The following PLAGL1 variants were observed in gnomAD, a reference collection of about 807,000 sequenced individuals.
The protein encoded by PLAGL1 is PLAG1 like zinc finger 1.
A neutral mutation model predicts 4.6 loss-of-function variants in PLAGL1; 1 was observed. The observed-to-expected ratio is 0.22, with a 90% CI of 0.08 to 1.03. PLAGL1 has a LOEUF of 1.03. Ranked by LOEUF, PLAGL1 falls within the 50% of genes least tolerant of loss-of-function variation. The probability of loss-of-function intolerance (pLI) is 0.58; values close to 1 mark genes in which losing one functional copy is unlikely to be tolerated. For synonymous variants in PLAGL1, 240 were observed against 237.8 expected, an observed-to-expected ratio of 1.01 and a Z score of -0.08; for missense variants, 464 against 570.4, an observed-to-expected ratio of 0.81 and a Z score of 1.90.
At position 143,979,355 on chromosome 6, in the gene PLAGL1, C is replaced by T. The variant is rs556570275; in HGVS notation, c.-544+5780G>A. Among the ~76,000 whole-genome samples, 40 of 152,238 alleles carry T rather than the reference C, an allele frequency of 2.6e-4. No individual in the cohort carries two copies. The highest frequency in any genetic ancestry group is 9.1e-4 in the African/African-American group (38 of 41,574). ...AGTTAGACCATTTATGCTTAACATG[C>T]TTACTGACATGATTAGGCTGAAATG... On this transcript the variant is annotated intron_variant, in intron 2 of 7. Transcript: ENST00000674357. The surrounding 1 kb of genome is among the most constrained non-coding windows in gnomAD (Gnocchi z 4.6).
chr6:144,031,968 C>T (rs1796864988), intron 1 of PLAGL1, among the ~76,000 whole-genome samples: 1 of 152,148 alleles, frequency 6.6e-6, no homozygotes, highest in Admixed American at 6.5e-5. Context: ...AATATTAATT[C>T]TACCTATGCA....
chr6:144,018,336 A>G (rs1487006088), intron 1 of PLAGL1, among the ~76,000 whole-genome samples: 1 of 152,198 alleles, frequency 6.6e-6, no homozygotes, highest in Non-Finnish European at 1.5e-5. Context: ...TGAAACTCAT[A>G]GAAGTAGACA....
chr6:144,003,475 T>C (rs1263180738), intron 1 of PLAGL1, among the ~76,000 whole-genome samples: 2 of 151,938 alleles, frequency 1.3e-5, no homozygotes, highest in Non-Finnish European at 2.9e-5. Flanking sequence ...ATACAAAAAA[T>C]TATCCAGGCA....
rs1221605942 is a variant in PLAGL1, at chr6:144,005,753, T to C, written c.-584+2337A>G. The C allele has an allele frequency of 6.6e-6, 1 of 151,958 alleles. No individual in the cohort carries two copies. The highest frequency in any genetic ancestry group is 1.5e-5 in the Non-Finnish European group (1 of 67,936). The allele number at this position is 151,958 out of a possible 1,614,324, so 9.4% of individuals were successfully genotyped here. A position where few individuals can be genotyped will look rare whatever the true frequency, so the allele number is the denominator to read the frequency against. ...TTCTGCAATGATGGAAATATTCTGT[T>C]CTATAATGTATAATGTAAAATATAT... On this transcript the variant is annotated intron_variant, in intron 1 of 7. Coordinates refer to ENST00000674357, the MANE Select transcript of PLAGL1 (RefSeq NM_001317162.2). The surrounding 1 kb of genome is among the most constrained non-coding windows in gnomAD (Gnocchi z 4.6).
In PLAGL1 at chr6:144,022,695, C is replaced by T. The variant is rs550520216; in HGVS notation, c.-151+41773G>A. On this transcript the variant is annotated intron_variant, in intron 1 of 3. Transcript: ENST00000437412. This position sits in a 1 kb window ranked among gnomAD's most constrained non-coding sequence, Gnocchi z 4.2. ...AAGGGAGTTCCCTTGCACAAGCTCTCTTGCCTGCCACCATGTAAGATGTCT... is the reference window on the plus strand; with the variant it reads ...AAGGGAGTTCCCTTGCACAAGCTCTTTTGCCTGCCACCATGTAAGATGTCT... 6.8e-4 allele frequency among the ~76,000 whole-genome samples: 103 copies of T among 152,306 alleles called. 1 individual carries two copies. Among genetic ancestry groups the T allele is most frequent in the Admixed American group, 4.9e-3 (75 of 15,296 alleles).
At chr6:144,043,163 T>C (rs956741536) in intron 1 of PLAGL1, among the ~76,000 whole-genome samples, 1 of 152,202 alleles carries the variant, frequency 6.6e-6, no homozygotes, top group Non-Finnish European at 1.5e-5. Context: ...GAATACCCTT[T>C]ATTTCTTTCT....
rs1468859650 is a variant in PLAGL1, at chr6:143,979,147, G to A, written c.-544+5988C>T. On this transcript the variant is annotated intron_variant, in intron 2 of 7. Coordinates refer to ENST00000674357, the MANE Select transcript of PLAGL1 (RefSeq NM_001317162.2). This position sits in a 1 kb window ranked among gnomAD's most constrained non-coding sequence, Gnocchi z 4.6. ...AAAATGATATTTTTTTCATCCGTTAGCTTATAATCTATTTGTGTCTTTACA... is the reference window on the plus strand; with the variant it reads ...AAAATGATATTTTTTTCATCCGTTAACTTATAATCTATTTGTGTCTTTACA... 1.3e-5 allele frequency among the ~76,000 whole-genome samples: 2 copies of A among 151,948 alleles called. No individual in the cohort carries two copies. The highest frequency in any genetic ancestry group is 6.6e-5 in the Admixed American group (1 of 15,256).
rs763645295 is a variant in PLAGL1, at chr6:143,978,162, T to C, written c.-544+6973A>G. 6.6e-6 allele frequency among the ~76,000 whole-genome samples: 1 copy of C among 152,202 alleles called. No homozygotes were observed. The highest frequency in any genetic ancestry group is 1.5e-5 in the Non-Finnish European group (1 of 68,040). On this transcript the variant is annotated intron_variant, in intron 2 of 7. Coordinates refer to ENST00000674357, the MANE Select transcript of PLAGL1 (RefSeq NM_001317162.2). The surrounding 1 kb of genome is among the most constrained non-coding windows in gnomAD (Gnocchi z 4.6). ...GTTGATTTTCTCCATTGTTTTCCTG[T>C]TTTCAACTTTGTTGATTTCCGCTCT...
At chr6:143,993,974 T>C (rs1165933157) in intron 1 of PLAGL1, among the ~76,000 whole-genome samples, 2 of 151,046 alleles carry the variant, frequency 1.3e-5, no homozygotes, top group Non-Finnish European at 2.9e-5. Flanking sequence ...ATATGCAGGA[T>C]AGAAAGGTTT....
chr6:143,997,764 G>GGGA lies in PLAGL1; in HGVS notation c.-584+10323_-584+10325dup, dbSNP rs1159312896. On this transcript the variant is annotated intron_variant, in intron 1 of 7. Transcript: ENST00000674357. The surrounding 1 kb of genome is among the most constrained non-coding windows in gnomAD (Gnocchi z 4.6). ...GACATCAGAAGAGTGTGATCCATAG[G>GGGA]GGAGGTGTTGACCAGGAGGTAAATG... 6.6e-6 allele frequency among the ~76,000 whole-genome samples: 1 copy of GGGA among 151,968 alleles called. No individual in the cohort carries two copies. Among genetic ancestry groups the GGGA allele is most frequent in the Non-Finnish European group, 1.5e-5 (1 of 68,012 alleles).
At chr6:144,012,528 T>A (rs1795260765), upstream of PLAGL1, among the ~76,000 whole-genome samples, 1 of 152,168 alleles carries the variant, frequency 6.6e-6, no homozygotes, top group Admixed American at 6.5e-5. This position sits in a 1 kb window ranked among gnomAD's most constrained non-coding sequence, Gnocchi z 4.8. Context: ...TGAGCCACCA[T>A]GCCTGGATGA....
chr6:144,014,625 G>A (rs1795444899), intron 1 of PLAGL1, among the ~76,000 whole-genome samples: 1 of 152,046 alleles, frequency 6.6e-6, no homozygotes, highest in Non-Finnish European at 1.5e-5. Flanking sequence ...TGTCGCCCAG[G>A]CTGGAGTACC....
In PLAGL1 at chr6:143,971,063, C is replaced by A. The variant is rs1785323740; in HGVS notation, c.-543-2085G>T. Among the ~76,000 whole-genome samples, 2 of 151,912 alleles carry A rather than the reference C, an allele frequency of 1.3e-5. No homozygotes were observed. Among genetic ancestry groups the A allele is most frequent in the African/African-American group, 4.8e-5 (2 of 41,374 alleles). Reference sequence around the variant, plus strand: ...CCAGAAACTGGGAGGGTTGAGCAGCCAAGTTATGAAATCTAAGTGCTATGC... The same window carrying A: ...CCAGAAACTGGGAGGGTTGAGCAGCAAAGTTATGAAATCTAAGTGCTATGC... On this transcript the variant is annotated intron_variant, in intron 2 of 7. Transcript: ENST00000674357. This position sits in a 1 kb window ranked among gnomAD's most constrained non-coding sequence, Gnocchi z 4.7.
chr6:143,962,098 T>C lies in PLAGL1; in HGVS notation c.-398-1556A>G, dbSNP rs1034140337. 1.5e-4 allele frequency among the ~76,000 whole-genome samples: 23 copies of C among 152,310 alleles called. No individual in the cohort carries two copies. Among genetic ancestry groups the C allele is most frequent in the Admixed American group, 2.0e-4 (3 of 15,306 alleles). ...TCTGGCAGGGAGGAGATCAAATCCC[T>C]CAGCTTTTCCCACCTGCCATCTCTG... On this transcript the variant is annotated intron_variant, in intron 5 of 7. Coordinates refer to ENST00000674357, the MANE Select transcript of PLAGL1 (RefSeq NM_001317162.2). This position sits in a 1 kb window ranked among gnomAD's most constrained non-coding sequence, Gnocchi z 5.3.
chr6:143,993,891 G>A (rs964268608), intron 1 of PLAGL1, among the ~76,000 whole-genome samples: 1 of 152,170 alleles, frequency 6.6e-6, no homozygotes, highest in African/African-American at 2.4e-5. Flanking sequence ...AAATTTTGGA[G>A]AGCACTGTGC....
rs182782124 is a variant in PLAGL1, at chr6:144,032,265, C to A, written c.-151+32203G>T. Among the ~76,000 whole-genome samples, 221 of 149,446 alleles carry A rather than the reference C, an allele frequency of 1.5e-3. 1 individual carries two copies. Among genetic ancestry groups the A allele is most frequent in the African/African-American group, 5.2e-3 (211 of 40,672 alleles). ...CCTCCTGAGTAGCTGAGACTCCAGGCATGTGCCACCACACCTGGCTTTTTT... is the reference window on the plus strand; with the variant it reads ...CCTCCTGAGTAGCTGAGACTCCAGGAATGTGCCACCACACCTGGCTTTTTT... On this transcript the variant is annotated intron_variant, in intron 1 of 3. Coordinates refer to the PLAGL1 transcript ENST00000437412.
intron 1 of PLAGL1, among the ~76,000 whole-genome samples, chr6:144,041,976 G>T (rs1797773421): frequency 2.0e-5 from 3 of 152,126 alleles, no homozygotes; most frequent in Admixed American, 1.3e-4. Flanking sequence ...CTGCATAAAT[G>T]TCTTCTTTTG....
In PLAGL1 at chr6:144,000,045, TC is replaced by T. The variant is rs1231926272; in HGVS notation, c.-584+8044del. 6.6e-6 allele frequency among the ~76,000 whole-genome samples: 1 copy of T among 152,150 alleles called. No individual in the cohort carries two copies. Among genetic ancestry groups the T allele is most frequent in the Non-Finnish European group, 1.5e-5 (1 of 67,994 alleles). On this transcript the variant is annotated intron_variant, in intron 1 of 7. Coordinates refer to ENST00000674357, the MANE Select transcript of PLAGL1 (RefSeq NM_001317162.2). The surrounding 1 kb of genome is among the most constrained non-coding windows in gnomAD (Gnocchi z 4.1). ...AGAACTAGGAATTGAATGCAAGCAA[TC>T]TGGCTTCACAGTCCAATAGATTCAG... is the stretch of plus-strand genomic sequence containing the variant.
intron 1 of PLAGL1, among the ~76,000 whole-genome samples, chr6:144,060,168 C>T (rs758060590): frequency 2.5e-4 from 38 of 152,112 alleles, no homozygotes; most frequent in Non-Finnish European, 3.2e-4. Context: ...CCACCTCAGC[C>T]TCTCAAGTAG....
Sources: allele counts gnomAD v4.1 joint callset (sites outside exome capture counted in the v4.1 genomes callset), GRCh38; gene constraint gnomAD v4.1.1; non-coding constraint Gnocchi (gnomAD v3.1); transcripts MANE v1.5; gene names NCBI Gene and HGNC (gene_info 2026-07-23, HGNC 2026-07-21).